MAGI2: variants seen among roughly 807,000 people sequenced by gnomAD.
The protein encoded by MAGI2 is membrane-associated guanylate kinase, WW and PDZ domain-containing protein 2.
MAGI2 carries 35 observed loss-of-function variants against 133.3 expected under a neutral mutation model. That is an observed-to-expected ratio of 0.26 (90% CI 0.20 to 0.35). MAGI2 has a LOEUF of 0.35. Ranked by LOEUF, MAGI2 falls within the 10% of genes least tolerant of loss-of-function variation. The pLI is 1.00. For synonymous variants in MAGI2, 729 were observed against 710.6 expected (o/e 1.03, Z -0.41); for missense variants, 1,636 against 1,863.4 (o/e 0.88, Z 2.25).
chr7:78,661,031 A>G (rs149566537), intron 2 of MAGI2, among the ~76,000 whole-genome samples: 46 of 152,236 alleles, frequency 3.0e-4, no homozygotes, highest in African/African-American at 1.1e-3. Context: ...GTTCTATTAC[A>G]GTTTCTACTT....
At chr7:79,186,558 G>T (rs1206815934) in intron 1 of MAGI2, among the ~76,000 whole-genome samples, 2 of 149,136 alleles carry the variant, frequency 1.3e-5, no homozygotes, top group Non-Finnish European at 3.0e-5. Context: ...TTCCTAAGAA[G>T]GACTGTTTGG....
chr7:78,652,240 A>G (rs750036887), intron 2 of MAGI2, among the ~76,000 whole-genome samples: 4 of 152,180 alleles, frequency 2.6e-5, no homozygotes, highest in Non-Finnish European at 5.9e-5. Flanking sequence ...CCTCACTTGG[A>G]TCTATTGCAT....
chr7:78,502,824 G>A (rs983790700), intron 4 of MAGI2, among the ~76,000 whole-genome samples: 6 of 152,108 alleles, frequency 3.9e-5, no homozygotes, highest in African/African-American at 1.4e-4. Flanking sequence ...TAAACAGTAT[G>A]AGTTCCAGAA....
intron 2 of MAGI2, among the ~76,000 whole-genome samples, chr7:78,973,302 C>G (rs1803947606): frequency 6.6e-6 from 1 of 151,856 alleles, no homozygotes. Flanking sequence ...CTGAAACTTA[C>G]TTCTTTTGCC....
chr7:79,305,188 G>A (rs1837686893), intron 1 of MAGI2, among the ~76,000 whole-genome samples: 1 of 152,138 alleles, frequency 6.6e-6, no homozygotes, highest in African/African-American at 2.4e-5. Flanking sequence ...GGGACTAGTG[G>A]CAGCCTAGTA....
chr7:79,185,208 G>A (rs1021482901), intron 1 of MAGI2, among the ~76,000 whole-genome samples: 14 of 151,818 alleles, frequency 9.2e-5, no homozygotes, highest in African/African-American at 3.4e-4. Flanking sequence ...GAAAGAAAAG[G>A]ATCTGAAGGA....
At chr7:79,270,478 A>C (rs1290997514) in intron 1 of MAGI2, among the ~76,000 whole-genome samples, 1 of 152,318 alleles carries the variant, frequency 6.6e-6, no homozygotes. Context: ...GTGATCATCA[A>C]TTATGATTAT....
chr7:78,428,060 C>T (rs923092480), intron 6 of MAGI2, among the ~76,000 whole-genome samples: 8 of 152,242 alleles, frequency 5.3e-5, no homozygotes, highest in South Asian at 2.1e-4. Context: ...AAAACAGGAA[C>T]GCATCGTAAC....
chr7:79,050,397 G>A (rs1260506431), intron 1 of MAGI2, among the ~76,000 whole-genome samples: 1 of 151,910 alleles, frequency 6.6e-6, no homozygotes. Context: ...TTTCTGTTTT[G>A]TTGGTGACAG....
intron 1 of MAGI2, among the ~76,000 whole-genome samples, chr7:79,280,105 T>C (rs766319403): frequency 6.6e-5 from 10 of 152,176 alleles, no homozygotes; most frequent in South Asian, 2.1e-4. Context: ...AGCTACATGA[T>C]GTAGGATGTT....
At chr7:78,291,306 C>T (rs1796687144) in intron 9 of MAGI2, among the ~76,000 whole-genome samples, 1 of 152,188 alleles carries the variant, frequency 6.6e-6, no homozygotes, top group Non-Finnish European at 1.5e-5. Flanking sequence ...ATAAACACAT[C>T]TATGCAAATA....
intron 1 of MAGI2, among the ~76,000 whole-genome samples, chr7:79,214,401 CTCTCTCTATA>C (rs1310043813): frequency 2.8e-3 from 155 of 55,980 alleles, no homozygotes; most frequent in Middle Eastern, 0.011. Context: ...CTCTCTCTCT[CTCTCTCTATA>C]TATATATATA....
intron 3 of MAGI2, among the ~76,000 whole-genome samples, chr7:78,552,771 G>C (rs984820536): frequency 6.6e-6 from 1 of 152,138 alleles, no homozygotes; most frequent in African/African-American, 2.4e-5. Flanking sequence ...GAGCCAAAGA[G>C]AAACATGAAG....
intron 2 of MAGI2, among the ~76,000 whole-genome samples, chr7:78,664,327 T>C (rs550783085): frequency 8.5e-5 from 13 of 152,278 alleles, no homozygotes; most frequent in African/African-American, 3.1e-4. Context: ...AATTTTTCCC[T>C]ATTTCTTTTT....
rs1036791816 is a variant in MAGI2 at position 79,120,242 on chromosome 7, G to A, written c.302-113036C>T. 3.9e-5 allele frequency among the ~76,000 whole-genome samples: 6 copies of A among 151,978 alleles called. No individual in the cohort carries two copies. In the South Asian group the frequency reaches 1.2e-3, roughly 31 times the overall value. On this transcript the variant is annotated intron_variant, in intron 1 of 21. Transcript: ENST00000354212. ...TAAAAGTCATGTATGCAACACACCT[G>A]TTTAAAGCTATGTTACATATGGAAT...
At chr7:78,761,464 T>G (rs1824499666) in intron 2 of MAGI2, among the ~76,000 whole-genome samples, 1 of 149,292 alleles carries the variant, frequency 6.7e-6, no homozygotes, top group East Asian at 2.0e-4. Flanking sequence ...ATGTAGATTC[T>G]GATTTTTTTT....
At position 78,551,950 on chromosome 7, in the gene MAGI2, G is replaced by A. The variant is rs866399481; in HGVS notation, c.539-30305C>T. 3.9e-5 allele frequency among the ~76,000 whole-genome samples: 6 copies of A among 152,178 alleles called. No homozygotes were observed. In the Middle Eastern group the frequency reaches 0.014, roughly 345 times the overall value. Reference sequence around the variant, plus strand: ...TGTAAAGACAAAGTTTTGCCATGTTGCCCAGATGGGTCTCAAACTCTTGAG... The same window carrying A: ...TGTAAAGACAAAGTTTTGCCATGTTACCCAGATGGGTCTCAAACTCTTGAG... On this transcript the variant is annotated intron_variant, in intron 3 of 21. Coordinates refer to ENST00000354212, the MANE Select transcript of MAGI2 (RefSeq NM_012301.4).
chr7:78,561,646 G>T (rs1443599921), intron 3 of MAGI2, among the ~76,000 whole-genome samples: 1 of 152,186 alleles, frequency 6.6e-6, no homozygotes, highest in Non-Finnish European at 1.5e-5. Context: ...TCAGGGTTGT[G>T]GGGTTTGAGA....
chr7:79,290,846 TA>T (rs1185789716), intron 1 of MAGI2, among the ~76,000 whole-genome samples: 2 of 152,094 alleles, frequency 1.3e-5, no homozygotes, highest in Non-Finnish European at 2.9e-5. Context: ...TTTAAAATAA[TA>T]GTTTTATTGA....
Sources: allele counts gnomAD v4.1 joint callset (sites outside exome capture counted in the v4.1 genomes callset), GRCh38; gene constraint gnomAD v4.1.1; transcripts MANE v1.5; gene names NCBI Gene and HGNC (gene_info 2026-07-23, HGNC 2026-07-21).